The following RAB19 variants were observed in gnomAD, a reference collection of about 807,000 sequenced individuals.
RAB19 encodes RAB19, member RAS oncogene family.
Under a neutral mutation model 17.3 loss-of-function variants are expected in RAB19, and 21 were observed. That is an observed-to-expected ratio of 1.21 (90% CI 0.86 to 1.74). The LOEUF (loss-of-function observed/expected upper bound fraction) is 1.74. Among genes scored for constraint, RAB19 ranks in the 40% most tolerant of loss-of-function variants. The pLI, the probability that RAB19 is intolerant of heterozygous loss-of-function variation, is 0.00. For missense variants in RAB19, 277 were observed against 286.8 expected (o/e 0.97, Z 0.25); for synonymous variants, 126 against 110.4 (o/e 1.14, Z -0.88).
chr7:140,410,471 C>A (rs1457821074), intron 2 of RAB19, among the ~76,000 whole-genome samples: 1 of 151,882 alleles, frequency 6.6e-6, no homozygotes, highest in South Asian at 2.1e-4. Context: ...GGACTACAGG[C>A]GCCCGCCACG....
In RAB19 at chr7:140,427,056, G is replaced by A. The variant is rs1293739361; in HGVS notation, c.*906G>A. Among the ~76,000 whole-genome samples the A allele has an allele frequency of 6.6e-6, 1 of 151,172 alleles. No individual in the cohort carries two copies. Among genetic ancestry groups the A allele is most frequent in the African/African-American group, 2.4e-5 (1 of 41,196 alleles). ...AAGGTTTCACCATGTTGCTCAGGCT[G>A]ATCTTGAACTCCTGAGCTCAGGTGA... is the stretch of plus-strand genomic sequence containing the variant. On this transcript the variant is annotated 3_prime_UTR_variant, in exon 4 of 4. Coordinates refer to ENST00000537763, the MANE Select transcript of RAB19 (RefSeq NM_001008749.3).
At chr7:140,406,248 C>CAGA (rs1799239167) in intron 1 of RAB19, among the ~76,000 whole-genome samples, 1 of 80,920 alleles carries the variant, frequency 1.2e-5, no homozygotes, top group South Asian at 4.5e-4. Flanking sequence ...AACTCTGTCT[C>CAGA]AAAAAAAAAA....
intron 3 of RAB19, among the ~76,000 whole-genome samples, chr7:140,423,178 G>A (rs1050261861): frequency 1.3e-5 from 2 of 151,758 alleles, no homozygotes; most frequent in African/African-American, 4.8e-5. Context: ...GGTGGCTCAC[G>A]CCTGTAATCC....
At chr7:140,405,554 G>C (rs1408525291) in intron 1 of RAB19, among the ~76,000 whole-genome samples, 1 of 89,436 alleles carries the variant, frequency 1.1e-5, no homozygotes, top group Non-Finnish European at 2.2e-5. Context: ...GATGGGCGGG[G>C]AGGGGGGGCG....
intron 3 of RAB19, among the ~76,000 whole-genome samples, chr7:140,423,492 A>G (rs534351725): frequency 1.4e-4 from 21 of 152,292 alleles, no homozygotes; most frequent in African/African-American, 3.6e-4. Flanking sequence ...AATACTACTC[A>G]GCAATAAAAA....
intron 3 of RAB19, among the ~76,000 whole-genome samples, chr7:140,417,445 C>G (rs898186825): frequency 1.3e-5 from 2 of 151,662 alleles, no homozygotes; most frequent in African/African-American, 2.4e-5. Flanking sequence ...GAGTGGGATG[C>G]AGGGAGTAGA....
chr7:140,422,459 G>C (rs1343063657), intron 3 of RAB19, among the ~76,000 whole-genome samples: 1 of 152,006 alleles, frequency 6.6e-6, no homozygotes, highest in South Asian at 2.1e-4. Flanking sequence ...TTATACATGA[G>C]TTTGTTTCTG....
At position 140,427,169 on chromosome 7, in the gene RAB19, G is replaced by C. The variant is rs1430942940; in HGVS notation, c.*1019G>C. 1.9e-5 allele frequency among the ~76,000 whole-genome samples: 2 copies of C among 106,746 alleles called. No individual in the cohort carries two copies. Among genetic ancestry groups the C allele is most frequent in the Non-Finnish European group, 3.6e-5 (2 of 56,064 alleles). 70.0% of individuals were successfully genotyped at this position (106,746 alleles called of 152,430 possible). A position where few individuals can be genotyped will look rare whatever the true frequency, so the allele number is the denominator to read the frequency against. On this transcript the variant is annotated 3_prime_UTR_variant, in exon 4 of 4. Coordinates refer to ENST00000537763, the MANE Select transcript of RAB19 (RefSeq NM_001008749.3). The stretch of plus-strand genomic sequence containing the variant: ...TTTTTTTTTTTTTTTTTTTGAGACT[G>C]AGTCTCACTCTGTCACTCAGGCTGG...
In RAB19 at chr7:140,426,391, C is replaced by G. The variant is rs114713232; in HGVS notation, c.*241C>G. The G allele has an allele frequency of 6.9e-4, 349 of 507,188 alleles. 5 individuals are homozygous for G. Among genetic ancestry groups the G allele is most frequent in the African/African-American group, 6.1e-3 (318 of 52,458 alleles). The allele number at this position is 507,188 out of a possible 1,614,324, so 31.4% of individuals were successfully genotyped here. A position where few individuals can be genotyped will look rare whatever the true frequency, so the allele number is the denominator to read the frequency against. ...ACTGACTCTTGACTCCTGGAGAAGG[C>G]AGGACTTCAGGCTAGGAGAGGGAGG... On this transcript the variant is annotated 3_prime_UTR_variant, in exon 4 of 4. Coordinates refer to ENST00000537763, the MANE Select transcript of RAB19 (RefSeq NM_001008749.3).
chr7:140,411,387 G>T (rs931217000), intron 2 of RAB19, among the ~76,000 whole-genome samples: 2 of 152,102 alleles, frequency 1.3e-5, no homozygotes, highest in Non-Finnish European at 2.9e-5. Context: ...GCGACAGAGC[G>T]AGACTCCATC....
intron 3 of RAB19, among the ~76,000 whole-genome samples, chr7:140,424,678 T>C (rs368051531): frequency 6.4e-5 from 6 of 94,186 alleles, no homozygotes; most frequent in East Asian, 3.8e-4. Context: ...TATATATATA[T>C]ATATACACAT....
chr7:140,419,177 C>T (rs191987858), intron 3 of RAB19, among the ~76,000 whole-genome samples: 120 of 150,918 alleles, frequency 8.0e-4, no homozygotes, highest in Admixed American at 1.9e-3. Context: ...TCAAGTGATT[C>T]TCATGCCTCA....
At chr7:140,421,329 C>T (rs1011133462) in intron 3 of RAB19, among the ~76,000 whole-genome samples, 17 of 151,948 alleles carry the variant, frequency 1.1e-4, no homozygotes, top group African/African-American at 4.8e-5. Flanking sequence ...GTAGCTGGGA[C>T]GACAGGCACA....
intron 3 of RAB19, among the ~76,000 whole-genome samples, chr7:140,413,854 C>T (rs186709076): frequency 6.6e-6 from 1 of 152,260 alleles, no homozygotes; most frequent in East Asian, 1.9e-4. Flanking sequence ...GCAATGGTGG[C>T]TCCCAGAGAA....
chr7:140,404,621 GAGAC>G (rs1351629289), intron 1 of RAB19, among the ~76,000 whole-genome samples: 1 of 138,684 alleles, frequency 7.2e-6, no homozygotes, highest in Non-Finnish European at 1.6e-5. Context: ...CTTGTGTGAT[GAGAC>G]AGAGTGTCCT....
chr7:140,421,869 C>T (rs1710449740), intron 3 of RAB19, among the ~76,000 whole-genome samples: 1 of 152,068 alleles, frequency 6.6e-6, no homozygotes, highest in South Asian at 2.1e-4. Context: ...ATCTATTGAT[C>T]TTTTCTTTAA....
intron 3 of RAB19, among the ~76,000 whole-genome samples, chr7:140,420,249 C>G (rs1202805825): frequency 6.6e-6 from 1 of 151,922 alleles, no homozygotes; most frequent in East Asian, 1.9e-4. Flanking sequence ...GGCGAAACCC[C>G]GTCTCTACTA....
intron 1 of RAB19, chr7:140,404,423 G>A (rs770128943): frequency 6.6e-6 from 1 of 152,186 alleles, no homozygotes; most frequent in Non-Finnish European, 1.5e-5. Flanking sequence ...CCAAGACACC[G>A]GAAGTGGAAT....
intron 2 of RAB19, among the ~76,000 whole-genome samples, chr7:140,408,762 C>T (rs188492848): frequency 2.7e-4 from 41 of 152,152 alleles, no homozygotes; most frequent in African/African-American, 9.1e-4. Flanking sequence ...AGATGTGAAC[C>T]ACCACACCCA....
Sources: allele counts gnomAD v4.1 joint callset (sites outside exome capture counted in the v4.1 genomes callset), GRCh38; gene constraint gnomAD v4.1.1; transcripts MANE v1.5; gene names NCBI Gene and HGNC (gene_info 2026-07-23, HGNC 2026-07-21).